GALK2: variants seen among roughly 807,000 people sequenced by gnomAD.
The protein encoded by GALK2 is galactokinase 2.
GALK2 carries 36 observed loss-of-function variants against 52.4 expected under a neutral mutation model. The ratio of observed to expected loss-of-function variants is 0.69; its 90% CI spans 0.53 to 0.91. The LOEUF (loss-of-function observed/expected upper bound fraction) is 0.91. Ranked by LOEUF, GALK2 falls within the 40% of genes least tolerant of loss-of-function variation. The pLI is 0.00. For missense variants in GALK2, 579 were observed against 559.1 expected (o/e 1.04, Z -0.36); for synonymous variants, 176 against 199.1 (o/e 0.88, Z 0.98).
upstream of GALK2, chr15:49,170,140 G>A: frequency 7.2e-7 from 1 of 1,393,386 alleles, no homozygotes; most frequent in African/African-American, 1.4e-5. Context: ...TGAGTCCAGG[G>A]AGGAGGAGCC....
intron 2 of GALK2, among the ~76,000 whole-genome samples, chr15:49,210,957 T>TCACACACACACACACACA (rs764698505): frequency 8.0e-5 from 9 of 112,768 alleles, no homozygotes; most frequent in African/African-American, 1.8e-4. Flanking sequence ...ATGTTGGCTG[T>TCACACACACACACACACA]CACACACACA....
chr15:49,286,643 C>A (rs778321006), intron 7 of GALK2, among the ~76,000 whole-genome samples: 1 of 152,146 alleles, frequency 6.6e-6, no homozygotes, highest in Non-Finnish European at 1.5e-5. Context: ...AATAGAAGTG[C>A]TTTAACATTG....
At chr15:49,270,178 A>T (rs187569098) in intron 5 of GALK2, among the ~76,000 whole-genome samples, 1 of 152,370 alleles carries the variant, frequency 6.6e-6, no homozygotes, top group Admixed American at 6.5e-5. Context: ...CAAAATATTC[A>T]GTAAGGTTAA....
At chr15:49,299,686 T>C (rs1466919112) in intron 8 of GALK2, among the ~76,000 whole-genome samples, 2 of 148,688 alleles carry the variant, frequency 1.3e-5, no homozygotes, top group Non-Finnish European at 3.0e-5. Context: ...GATTGTATGG[T>C]TTTGAGAGAT....
chr15:49,243,870 C>G (rs2091216972), intron 5 of GALK2, among the ~76,000 whole-genome samples: 1 of 151,936 alleles, frequency 6.6e-6, no homozygotes, highest in African/African-American at 2.4e-5. Flanking sequence ...TGCCTGCAAT[C>G]TCAGCAGTTT....
chr15:49,299,540 C>T (rs1440868210), intron 8 of GALK2, among the ~76,000 whole-genome samples: 3 of 152,036 alleles, frequency 2.0e-5, no homozygotes, highest in Non-Finnish European at 4.4e-5. Context: ...TAAATTTCCT[C>T]TTAACACTAC....
chr15:49,280,967 G>T (rs2032604469), intron 5 of GALK2, among the ~76,000 whole-genome samples: 1 of 152,168 alleles, frequency 6.6e-6, no homozygotes, highest in African/African-American at 2.4e-5. Flanking sequence ...CTCCTGAGTA[G>T]CTGTGACTAC....
intron 5 of GALK2, among the ~76,000 whole-genome samples, chr15:49,276,071 T>G (rs2031605071): frequency 6.6e-6 from 1 of 152,246 alleles, no homozygotes. Context: ...ACCAGCTTAT[T>G]GGTTACACAC....
At chr15:49,352,843 C>T (rs1340833730) in intron 3 of GALK2, among the ~76,000 whole-genome samples, 1 of 152,170 alleles carries the variant, frequency 6.6e-6, no homozygotes, top group East Asian at 1.9e-4. Flanking sequence ...AATCACCTAC[C>T]TCAGTCCTTA....
chr15:49,217,479 T>C (rs2089471676), intron 3 of GALK2, among the ~76,000 whole-genome samples, 166 bp downstream of exon 3: 1 of 152,212 alleles, frequency 6.6e-6, no homozygotes, highest in Non-Finnish European at 1.5e-5. Context: ...TTTTGTTCAT[T>C]TGTCAATTCA....
chr15:49,183,679 A>C (rs951217052), intron 1 of GALK2, among the ~76,000 whole-genome samples: 3 of 152,146 alleles, frequency 2.0e-5, no homozygotes, highest in African/African-American at 7.2e-5. Context: ...CCCTGACTTT[A>C]CTAAAAATAC....
intron 4 of GALK2, among the ~76,000 whole-genome samples, chr15:49,236,731 C>G (rs2090828601): frequency 6.6e-6 from 1 of 152,096 alleles, no homozygotes; most frequent in Non-Finnish European, 1.5e-5. Flanking sequence ...TAAATTTTGC[C>G]TTTGTGAGCT....
chr15:49,217,734 T>G (rs1269735025), intron 3 of GALK2, among the ~76,000 whole-genome samples: 1 of 152,234 alleles, frequency 6.6e-6, no homozygotes, highest in Non-Finnish European at 1.5e-5. Flanking sequence ...CCCAGTAGAC[T>G]GTAAACTCTG....
rs1477340130 is a variant in GALK2, at chr15:49,212,347, TC to T, written c.143-4839del. Among the ~76,000 whole-genome samples the T allele has an allele frequency of 3.9e-5, 6 of 152,132 alleles. No homozygotes were observed. In the East Asian group the frequency reaches 1.2e-3, roughly 29 times the overall value. The stretch of plus-strand genomic sequence containing the variant: ...GCCTTGTGATCTGCCCACCTTGGCC[TC>T]CCCTCCCAAAGTGCTGGGATTACAG... On this transcript the variant is annotated intron_variant, in intron 2 of 9. Coordinates refer to ENST00000560031, the MANE Select transcript of GALK2 (RefSeq NM_002044.4).
chr15:49,358,659 A>G (rs376850151), intron 3 of GALK2, among the ~76,000 whole-genome samples: 2 of 150,104 alleles, frequency 1.3e-5, no homozygotes, highest in South Asian at 2.1e-4. Flanking sequence ...ATGGCCATAC[A>G]GCCCAAGGTA....
At chr15:49,352,257 A>G (rs1434559612) in intron 3 of GALK2, among the ~76,000 whole-genome samples, 1 of 152,240 alleles carries the variant, frequency 6.6e-6, no homozygotes, top group African/African-American at 2.4e-5. Flanking sequence ...CGAAGTCACA[A>G]AGTCAAACTC....
chr15:49,165,008 T>C (rs1166286709), intron 1 of GALK2, among the ~76,000 whole-genome samples: 1 of 152,136 alleles, frequency 6.6e-6, no homozygotes, highest in Non-Finnish European at 1.5e-5. Flanking sequence ...TTCATTTATT[T>C]ACTTAACTAA....
chr15:49,247,421 A>C (rs554054283), intron 5 of GALK2, among the ~76,000 whole-genome samples: 2 of 152,252 alleles, frequency 1.3e-5, no homozygotes, highest in South Asian at 4.1e-4. Context: ...GTGGCAAGAG[A>C]GGAAACAATA....
At chr15:49,271,513 T>TA (rs2030609423) in intron 5 of GALK2, among the ~76,000 whole-genome samples, 1 of 152,196 alleles carries the variant, frequency 6.6e-6, no homozygotes, top group African/African-American at 2.4e-5. Context: ...CCCTGAGAGA[T>TA]AAAGTATAGT....
Sources: allele counts gnomAD v4.1 joint callset (sites outside exome capture counted in the v4.1 genomes callset), GRCh38; gene constraint gnomAD v4.1.1; transcripts MANE v1.5; gene names NCBI Gene and HGNC (gene_info 2026-07-23, HGNC 2026-07-21).